The following DMD variants were observed in gnomAD, a reference collection of about 807,000 sequenced individuals.
DMD encodes the protein dystrophin.
Under a neutral mutation model 330.1 loss-of-function variants are expected in DMD, and 63 were observed. That is an observed-to-expected ratio of 0.19 (90% CI 0.16 to 0.24). The LOEUF (loss-of-function observed/expected upper bound fraction) is 0.24, where lower values mean the gene tolerates loss of function less well. Among genes scored for constraint, DMD ranks in the 10% least tolerant of loss-of-function variants. The probability of loss-of-function intolerance (pLI) is 1.00; values close to 1 mark genes in which losing one functional copy is unlikely to be tolerated. For synonymous variants in DMD, 1,223 were observed against 959.8 expected, an observed-to-expected ratio of 1.27 and a Z score of -5.07; for missense variants, 3,344 against 2,684.1, an observed-to-expected ratio of 1.25 and a Z score of -5.43.
chrX:32,293,665 A>C (rs1487532797), intron 42 of DMD, among the ~76,000 whole-genome samples: 2 of 111,870 alleles, frequency 1.8e-5, no homozygotes, highest in African/African-American at 6.5e-5. Flanking sequence ...AGGCTTGCTT[A>C]TTGAAGAAAA....
chrX:31,805,606 C>T (rs867826562), intron 50 of DMD, among the ~76,000 whole-genome samples: 1 of 111,635 alleles, frequency 9.0e-6, no homozygotes, highest in Non-Finnish European at 1.9e-5. Flanking sequence ...GTTTTAGGCT[C>T]GAGTCCTTTT....
At chrX:31,403,259 C>T (rs9306778) in intron 60 of DMD, among the ~76,000 whole-genome samples, 11,691 of 111,316 alleles carry the variant, frequency 0.11, 496 homozygotes, top group Admixed American at 0.15. Flanking sequence ...TTTGTCTATA[C>T]GGTGCCAACA....
chrX:32,456,560 T>C (rs1191375360), intron 25 of DMD, among the ~76,000 whole-genome samples: 1 of 99,784 alleles, frequency 1.0e-5, no homozygotes, highest in Non-Finnish European at 2.0e-5. Flanking sequence ...GTAAAAACTA[T>C]ACATTCACAT....
chrX:31,650,358 T>C lies in DMD; in HGVS notation c.8027+7632A>G, dbSNP rs190532148. On this transcript the variant is annotated intron_variant, in intron 54 of 78. Coordinates refer to ENST00000357033, the MANE Select transcript of DMD (RefSeq NM_004006.3). ...CAAATATCCCGCTAGCATTCTATCA[T>C]ATTTTTGTACATAGCTTTGAAGGCA... Among the ~76,000 whole-genome samples, 17 of 111,336 alleles carry C rather than the reference T, an allele frequency of 1.5e-4. No homozygotes were observed. In the East Asian group the frequency reaches 4.8e-3, roughly 31 times the overall value.
At chrX:33,193,477 C>T (rs990341101) in intron 1 of DMD, among the ~76,000 whole-genome samples, 2 of 111,860 alleles carry the variant, frequency 1.8e-5, no homozygotes, top group African/African-American at 6.5e-5. Flanking sequence ...AAAAGAGATA[C>T]AGTGTATAGA....
chrX:32,856,482 A>T (rs1280348278), intron 2 of DMD, among the ~76,000 whole-genome samples: 1 of 91,649 alleles, frequency 1.1e-5, no homozygotes, highest in African/African-American at 3.7e-5. Context: ...ACTCAGTCAT[A>T]AAAAAAAATG....
intron 55 of DMD, chrX:31,508,401 C>T: frequency 2.1e-6 from 1 of 478,227 alleles, no homozygotes. Flanking sequence ...TAATAAACGG[C>T]CACTTTGTAC....
intron 54 of DMD, among the ~76,000 whole-genome samples, chrX:31,652,252 C>T (rs1273531950): frequency 3.6e-5 from 4 of 111,579 alleles, no homozygotes; most frequent in Non-Finnish European, 1.9e-5. Flanking sequence ...ACCACATTTT[C>T]ATGGCAGCAC....
chrX:31,549,076 G>A (rs1428763418), intron 55 of DMD, among the ~76,000 whole-genome samples: 2 of 111,556 alleles, frequency 1.8e-5, no homozygotes, highest in African/African-American at 3.3e-5. Context: ...CCATAAAAAT[G>A]AGGAGGGTAT....
At position 32,732,920 on chromosome X, in the gene DMD, C is replaced by T. The variant is rs774630444; in HGVS notation, c.650-33627G>A. ...CAAATTCACACATAACAATATTAACCTTAAATGTAAATGGGCTAAATGCTC... is the reference window on the plus strand; with the variant it reads ...CAAATTCACACATAACAATATTAACTTTAAATGTAAATGGGCTAAATGCTC... On this transcript the variant is annotated intron_variant, in intron 7 of 78. Transcript: ENST00000357033. Among the ~76,000 whole-genome samples the T allele has an allele frequency of 2.2e-3, 240 of 111,020 alleles. 1 individual carries two copies. Among genetic ancestry groups the T allele is most frequent in the Middle Eastern group, 4.6e-3 (1 of 217 alleles).
At chrX:31,548,560 T>C (rs1258573831) in intron 55 of DMD, among the ~76,000 whole-genome samples, 2 of 103,581 alleles carry the variant, frequency 1.9e-5, no homozygotes, top group Non-Finnish European at 4.0e-5. Flanking sequence ...TTCTTTTTCT[T>C]TTTTTTTTTT....
chrX:32,172,406 A>G (rs2096890846), intron 44 of DMD, among the ~76,000 whole-genome samples: 1 of 112,261 alleles, frequency 8.9e-6, no homozygotes, highest in Non-Finnish European at 1.9e-5. Context: ...TAATTTATGT[A>G]GAGGAATGTA....
chrX:31,972,379 T>C (rs941602972), intron 44 of DMD, among the ~76,000 whole-genome samples: 1 of 111,619 alleles, frequency 9.0e-6, no homozygotes, highest in Non-Finnish European at 1.9e-5. Flanking sequence ...ACCACTACCT[T>C]TTCTATGAAA....
intron 44 of DMD, among the ~76,000 whole-genome samples, chrX:32,031,435 C>G (rs1311073718): frequency 9.0e-6 from 1 of 110,537 alleles, no homozygotes; most frequent in Non-Finnish European, 1.9e-5. Context: ...AGAGCAATAC[C>G]ATTTGCGCTC....
chrX:32,182,658 G>C (rs1200715576), intron 44 of DMD, among the ~76,000 whole-genome samples: 2 of 111,657 alleles, frequency 1.8e-5, no homozygotes, highest in Non-Finnish European at 3.8e-5. Flanking sequence ...GCACCTAACA[G>C]TGTCTAACAC....
intron 44 of DMD, among the ~76,000 whole-genome samples, chrX:32,150,887 G>C (rs2096800608): frequency 9.0e-6 from 1 of 111,185 alleles, no homozygotes; most frequent in Non-Finnish European, 1.9e-5. Flanking sequence ...GCTATATCAG[G>C]TCCAAACTAC....
At chrX:32,410,050 T>G (rs1278247099) in intron 30 of DMD, among the ~76,000 whole-genome samples, 5 of 111,782 alleles carry the variant, frequency 4.5e-5, no homozygotes, top group African/African-American at 1.6e-4. Flanking sequence ...TTAGGAATAG[T>G]TAATTCTAGA....
chrX:31,727,344 G>A (rs1445014030), intron 52 of DMD, among the ~76,000 whole-genome samples: 1 of 111,654 alleles, frequency 9.0e-6, no homozygotes, highest in Middle Eastern at 4.2e-3. Flanking sequence ...TATGGTGGAG[G>A]AATGCTCTGC....
intron 47 of DMD, among the ~76,000 whole-genome samples, chrX:31,886,606 T>A (rs2094157769): frequency 8.9e-6 from 1 of 111,891 alleles, no homozygotes; most frequent in Admixed American, 9.5e-5. Context: ...ACCTATTGAT[T>A]TAACAAAGAT....
Sources: allele counts gnomAD v4.1 joint callset (sites outside exome capture counted in the v4.1 genomes callset), GRCh38; gene constraint gnomAD v4.1.1; transcripts MANE v1.5; gene names NCBI Gene and HGNC (gene_info 2026-07-23, HGNC 2026-07-21).